The following SEPTIN10 variants were observed in gnomAD, a reference collection of about 807,000 sequenced individuals.
SEPTIN10 encodes the protein septin 10, also known as septin-10.
SEPTIN10 carries 66 observed loss-of-function variants against 54.8 expected under a neutral mutation model. That is an observed-to-expected ratio of 1.21 (90% CI 0.99 to 1.48). The LOEUF (loss-of-function observed/expected upper bound fraction) is 1.48. Among genes scored for constraint, SEPTIN10 ranks in the 40% most tolerant of loss-of-function variants. The pLI, the probability that SEPTIN10 is intolerant of heterozygous loss-of-function variation, is 0.00. For synonymous variants in SEPTIN10, 161 were observed against 181.0 expected (o/e 0.89, Z 0.89); for missense variants, 620 against 545.6 (o/e 1.14, Z -1.36).
intron 8 of SEPTIN10, among the ~76,000 whole-genome samples, chr2:109,559,475 C>G (rs919477974): frequency 1.3e-5 from 2 of 151,932 alleles, no homozygotes; most frequent in African/African-American, 4.9e-5. Flanking sequence ...GCTGAAGAAT[C>G]TCCCTTTCTA....
intron 8 of SEPTIN10, among the ~76,000 whole-genome samples, chr2:109,554,062 CA>C (rs1263069312): frequency 6.6e-6 from 1 of 152,086 alleles, no homozygotes; most frequent in Non-Finnish European, 1.5e-5. Context: ...AATAAAGACT[CA>C]AAACCCTTCT....
intron 10 of SEPTIN10, chr2:109,545,467 T>C (rs1236036602): frequency 6.5e-7 from 1 of 1,536,190 alleles, no homozygotes; most frequent in Admixed American, 2.0e-5. Flanking sequence ...TACCTTTCTC[T>C]GCGTCTTTAC....
At chr2:109,601,049 C>T (rs4953839) in intron 1 of SEPTIN10, among the ~76,000 whole-genome samples, 11,455 of 152,226 alleles carry the variant, frequency 0.075, 773 homozygotes, top group African/African-American at 0.17. Flanking sequence ...ATGTGTTTGG[C>T]CATCTGCAAG....
At chr2:109,547,265 C>T (rs1681497575) in intron 9 of SEPTIN10, among the ~76,000 whole-genome samples, 1 of 151,374 alleles carries the variant, frequency 6.6e-6, no homozygotes, top group Non-Finnish European at 1.5e-5. Flanking sequence ...ATTAACTGTT[C>T]TTTGTTGAAG....
intron 4 of SEPTIN10, among the ~76,000 whole-genome samples, chr2:109,583,949 A>G (rs1284583885): frequency 2.0e-5 from 3 of 152,158 alleles, no homozygotes; most frequent in African/African-American, 7.2e-5. Context: ...TTGGGTACAC[A>G]TGGATATAAA....
At chr2:109,578,690 C>T (rs2903538) in intron 4 of SEPTIN10, among the ~76,000 whole-genome samples, 3,950 of 152,118 alleles carry the variant, frequency 0.026, 65 homozygotes, top group South Asian at 0.075. Context: ...TCGCTTGAAC[C>T]TGGGAGGCGG....
intron 8 of SEPTIN10, among the ~76,000 whole-genome samples, chr2:109,563,464 T>G (rs1342330282): frequency 6.6e-6 from 1 of 151,828 alleles, no homozygotes; most frequent in Non-Finnish European, 1.5e-5. Context: ...CATAAGAGAG[T>G]TTAAAATAGC....
chr2:109,603,554 T>C (rs1697165216), intron 1 of SEPTIN10, among the ~76,000 whole-genome samples: 1 of 152,134 alleles, frequency 6.6e-6, no homozygotes, highest in African/African-American at 2.4e-5. Flanking sequence ...ATATTATTTT[T>C]AAAGCCTTAC....
rs751032314 is a variant in SEPTIN10 at position 109,543,608 on chromosome 2, A to T, written c.*701T>A. 2.6e-5 allele frequency: 4 copies of T among 152,240 alleles called. No homozygotes were observed. Among genetic ancestry groups the T allele is most frequent in the African/African-American group, 4.8e-5 (2 of 41,434 alleles). 9.4% of individuals were successfully genotyped at this position (152,240 alleles called of 1,614,324 possible). On this transcript the variant is annotated 3_prime_UTR_variant, in exon 11 of 11. Coordinates refer to ENST00000397712, the MANE Select transcript of SEPTIN10 (RefSeq NM_144710.5). ...TTTTTAGCATATATAAAAAAGGTTC[A>T]TCTTGGAATATAAATGTAATCAGAT...
chr2:109,595,176 C>T (rs935188638), intron 1 of SEPTIN10, among the ~76,000 whole-genome samples: 1 of 152,170 alleles, frequency 6.6e-6, no homozygotes, highest in Non-Finnish European at 1.5e-5. Context: ...CCTGAGCCCC[C>T]ACGCCCAGCC....
At chr2:109,557,226 G>T (rs1469847157) in intron 8 of SEPTIN10, among the ~76,000 whole-genome samples, 1 of 151,998 alleles carries the variant, frequency 6.6e-6, no homozygotes, top group Non-Finnish European at 1.5e-5. Context: ...ACAAACATAA[G>T]TTTTTTAAAA....
chr2:109,583,580 A>G (rs773969903), intron 4 of SEPTIN10, among the ~76,000 whole-genome samples: 3 of 152,214 alleles, frequency 2.0e-5, no homozygotes, highest in Non-Finnish European at 4.4e-5. Flanking sequence ...AGCAGTTTGG[A>G]GATTTCTCAA....
At chr2:109,613,376 G>C (rs1177393312) in intron 1 of SEPTIN10, 1 of 332,686 alleles carries the variant, frequency 3.0e-6, no homozygotes, top group African/African-American at 2.1e-5. Context: ...AAAGCCAGGG[G>C]AGCCGGGCTT....
rs531306341 is a variant in SEPTIN10 at position 109,554,979 on chromosome 2, C to T, written c.1029-1760G>A. The stretch of plus-strand genomic sequence containing the variant: ...AGTTCAGCTTCTGAAGCTAAGTCTC[C>T]TAATATAACCTTCTTTCCATTTCTA... On this transcript the variant is annotated intron_variant, in intron 8 of 10. Transcript: ENST00000397712. 9.5e-4 allele frequency among the ~76,000 whole-genome samples: 144 copies of T among 152,244 alleles called. 1 individual carries two copies. The highest frequency in any genetic ancestry group is 3.4e-3 in the African/African-American group (143 of 41,528).
At chr2:109,597,001 T>A (rs1483805069) in intron 1 of SEPTIN10, among the ~76,000 whole-genome samples, 1 of 152,180 alleles carries the variant, frequency 6.6e-6, no homozygotes, top group African/African-American at 2.4e-5. Flanking sequence ...TGGAGTGCAG[T>A]GGCATGATCT....
At chr2:109,590,078 A>G (rs994228670) in intron 2 of SEPTIN10, among the ~76,000 whole-genome samples, 5 of 147,652 alleles carry the variant, frequency 3.4e-5, no homozygotes, top group Admixed American at 6.7e-5. Context: ...ACACACATAT[A>G]TATGTATATA....
At chr2:109,590,071 C>T (rs1481485709) in intron 2 of SEPTIN10, among the ~76,000 whole-genome samples, 1 of 147,842 alleles carries the variant, frequency 6.8e-6, no homozygotes, top group Non-Finnish European at 1.5e-5. Context: ...TATATACACA[C>T]ACATATATAT....
intron 10 of SEPTIN10, 193 bp downstream of exon 10, chr2:109,545,857 A>G (rs1184316908): frequency 6.9e-7 from 1 of 1,444,850 alleles, no homozygotes; most frequent in Non-Finnish European, 9.1e-7. Context: ...AACATGTGCC[A>G]GGTGCTGTTC....
chr2:109,598,901 A>AAAAAT (rs1558879331), intron 1 of SEPTIN10, among the ~76,000 whole-genome samples: 20 of 151,756 alleles, frequency 1.3e-4, no homozygotes, highest in African/African-American at 2.7e-4. Context: ...AAAATAAAAA[A>AAAAAT]AAAATTATTA....
Sources: gnomAD v4.1 joint callset for allele counts (sites outside exome capture counted in the v4.1 genomes callset) on GRCh38, gnomAD v4.1.1 for gene constraint, MANE v1.5 for transcripts, NCBI Gene and HGNC (gene_info 2026-07-23, HGNC 2026-07-21) for gene names.